AMPD3: variants seen among roughly 807,000 people sequenced by gnomAD.
AMPD3 encodes AMP deaminase 3.
Under a neutral mutation model 82.3 loss-of-function variants are expected in AMPD3, and 57 were observed. That is an observed-to-expected ratio of 0.69 (90% CI 0.56 to 0.86). The LOEUF is 0.86. Ranked by LOEUF, AMPD3 falls within the 40% of genes least tolerant of loss-of-function variation. AMPD3 has a pLI of 0.00. For missense variants in AMPD3, 870 were observed against 1,003.8 expected, an observed-to-expected ratio of 0.87 and a Z score of 1.80; for synonymous variants, 381 against 394.7, an observed-to-expected ratio of 0.97 and a Z score of 0.41.
chr11:10,468,628 G>C (rs894656587), intron 2 of AMPD3, among the ~76,000 whole-genome samples: 1 of 152,074 alleles, frequency 6.6e-6, no homozygotes, highest in Non-Finnish European at 1.5e-5. Flanking sequence ...AAATTAACAA[G>C]GATATTCAGG....
chr11:10,452,787 C>CTTA (rs746930885), upstream of AMPD3, among the ~76,000 whole-genome samples: 1 of 152,244 alleles, frequency 6.6e-6, no homozygotes, highest in Non-Finnish European at 1.5e-5. Flanking sequence ...AAACACTTCA[C>CTTA]TTATGCTCAT....
intron 6 of AMPD3, among the ~76,000 whole-genome samples, chr11:10,490,860 T>C (rs555401325): frequency 1.3e-5 from 2 of 152,212 alleles, no homozygotes; most frequent in Non-Finnish European, 2.9e-5. Context: ...GCCTCATCTC[T>C]GAGGAGCCTG....
intron 13 of AMPD3, 24 bp downstream of exon 13, chr11:10,502,918 G>C: frequency 6.2e-7 from 1 of 1,612,390 alleles, no homozygotes; most frequent in Non-Finnish European, 8.5e-7. Flanking sequence ...GGTGAGGACA[G>C]TAGTGCTTCA....
upstream of AMPD3, among the ~76,000 whole-genome samples, chr11:10,451,630 G>T (rs1847966065): frequency 6.6e-6 from 1 of 152,214 alleles, no homozygotes; most frequent in Non-Finnish European, 1.5e-5. Context: ...AGAGGCCTTG[G>T]AGTAGGAGAG....
At position 10,478,607 on chromosome 11, in the gene AMPD3, A is replaced by G; in HGVS notation, c.303A>G (p.Ala101=). 6.2e-7 allele frequency: 1 copy of G among 1,614,210 alleles called. No homozygotes were observed. Among genetic ancestry groups the G allele is most frequent in the Non-Finnish European group, 8.5e-7 (1 of 1,180,024 alleles). Residue 101 remains alanine (A), a synonymous_variant, in exon 3 of 15, where the codon GCA becomes GCG. Transcript: ENST00000396553. ...AGCAAGATTGGAAGGGCCCCCCGGC[A>G]GCCAGTCCGGCCATGTCTCCCACAA... is the stretch of plus-strand genomic sequence containing the variant. The part of the protein sequence containing the change: ...PPQQDWKGPP[A]ASPAMSPTTP...
chr11:10,471,919 C>A (rs1001286163), intron 2 of AMPD3, among the ~76,000 whole-genome samples: 2 of 152,274 alleles, frequency 1.3e-5, no homozygotes, highest in African/African-American at 4.8e-5. Flanking sequence ...ACTAGAAATA[C>A]CATTTGACCC....
chr11:10,478,626 C>A lies in AMPD3; in HGVS notation c.322C>A (p.Pro108Thr), dbSNP rs1319790158. 6 of 1,614,244 alleles carry A rather than the reference C, an allele frequency of 3.7e-6. No individual in the cohort carries two copies. In the Admixed American group the frequency reaches 5.0e-5, roughly 13 times the overall value. ...CCCGGCAGCCAGTCCGGCCATGTCT[C>A]CCACAACCCCTGTGGTCACTGGAGC... ...GPPAASPAMS[P>T]TTPVVTGATS... Residue 108 changes from proline to threonine, a missense_variant, in exon 3 of 15, where the codon CCC (proline) becomes ACC (threonine). Pro to Thr is a conservative substitution (Grantham distance 38, BLOSUM62 -1). Coordinates refer to ENST00000396553, the MANE Select transcript of AMPD3 (RefSeq NM_001025389.2).
chr11:10,497,080 G>GC, intron 10 of AMPD3, 142 bp downstream of exon 10: 1 of 1,088,702 alleles, frequency 9.2e-7, no homozygotes, highest in Non-Finnish European at 1.4e-6. Flanking sequence ...GGGGTCACCA[G>GC]CCCCAAGAAG....
chr11:10,487,853 G>C (rs7101934), intron 6 of AMPD3, among the ~76,000 whole-genome samples: 100,540 of 152,024 alleles, frequency 0.66, 33,403 homozygotes, highest in Admixed American at 0.74. Flanking sequence ...GAGGATGATG[G>C]CTTCCAGCTG....
intron 7 of AMPD3, 141 bp downstream of exon 7, chr11:10,493,684 C>T (rs780260689): frequency 1.2e-5 from 12 of 971,026 alleles, no homozygotes; most frequent in African/African-American, 3.2e-5. Context: ...AGAGGTCATG[C>T]GGCCTCAGAG....
At chr11:10,500,438 C>A in intron 11 of AMPD3, 189 bp downstream of exon 11, 1 of 538,474 alleles carries the variant, frequency 1.9e-6, no homozygotes, top group Non-Finnish European at 2.4e-6. Context: ...CATGTCTCCA[C>A]ATGATCACAC....
chr11:10,468,662 G>A (rs1219067824), intron 2 of AMPD3, among the ~76,000 whole-genome samples: 3 of 150,950 alleles, frequency 2.0e-5, no homozygotes, highest in Admixed American at 6.6e-5. Flanking sequence ...TCTGGAACAA[G>A]CTCCAACCCA....
chr11:10,488,148 G>C, intron 6 of AMPD3: 1 of 943,052 alleles, frequency 1.1e-6, no homozygotes, highest in African/African-American at 1.8e-5. Context: ...AGCCTTGTCC[G>C]GGGCTCCTGG....
intron 12 of AMPD3, 45 bp from the exon 13 acceptor site, chr11:10,502,676 C>T (rs769984545): frequency 1.2e-6 from 2 of 1,609,128 alleles, no homozygotes; most frequent in African/African-American, 1.3e-5. Context: ...TTTCCCTTCT[C>T]CCCTCTCTGG....
intron 8 of AMPD3, 188 bp from the exon 9 acceptor site, chr11:10,495,382 C>A (rs1448717540): frequency 1.0e-6 from 1 of 984,480 alleles, no homozygotes; most frequent in Non-Finnish European, 1.2e-6. Flanking sequence ...CCTTCCTCAC[C>A]AGAGGGGGCC....
chr11:10,480,910 C>T (rs912466900), intron 3 of AMPD3, among the ~76,000 whole-genome samples: 2 of 152,188 alleles, frequency 1.3e-5, no homozygotes, highest in African/African-American at 4.8e-5. Flanking sequence ...CTTGTCTCCC[C>T]AAGCATATTT....
intron 1 of AMPD3, chr11:10,461,004 C>A: frequency 9.1e-7 from 1 of 1,102,488 alleles, no homozygotes; most frequent in Admixed American, 4.8e-5. Context: ...AGCAAAAGGC[C>A]TTGATTTATG....
chr11:10,460,712 G>A (rs1848244589), intron 1 of AMPD3, among the ~76,000 whole-genome samples: 2 of 152,154 alleles, frequency 1.3e-5, no homozygotes, highest in South Asian at 2.1e-4. Flanking sequence ...CCTGGCCAGA[G>A]TGTACATATT....
rs75286033 is a variant in AMPD3, at chr11:10,493,490, G to A, written c.1081G>A (p.Gly361Ser). The A allele has an allele frequency of 1.8e-3, 2,883 of 1,614,192 alleles. 48 individuals are homozygous for A. The African/African-American group carries it at 0.032, about 18-fold the overall frequency. ...GATCACCCTGCGGCAGGTGTTTGAC[G>A]GCCTGCACATGGACCCCTACGACCT... Reference protein sequence around the residue: ...RKITLRQVFDGLHMDPYDLTV... With the variant: ...RKITLRQVFDSLHMDPYDLTV... The change falls in exon 7 of 15, where the codon GGC (glycine) becomes AGC (serine). Residue 361 changes from glycine to serine, a missense_variant. Transcript: ENST00000396553.
Sources: gnomAD v4.1 joint callset for allele counts (sites outside exome capture counted in the v4.1 genomes callset) on GRCh38, gnomAD v4.1.1 for gene constraint, MANE v1.5 for transcripts, NCBI Gene and HGNC (gene_info 2026-07-23, HGNC 2026-07-21) for gene names.